The following ACTR3B variants were observed in gnomAD, a reference collection of about 807,000 sequenced individuals.
ACTR3B encodes actin related protein 3B.
Under a neutral mutation model 59.0 loss-of-function variants are expected in ACTR3B, and 8 were observed. The observed-to-expected ratio is 0.14, with a 90% CI of 0.08 to 0.24. The LOEUF (loss-of-function observed/expected upper bound fraction) is 0.24, where lower values mean the gene tolerates loss of function less well. Among genes scored for constraint, ACTR3B ranks in the 10% least tolerant of loss-of-function variants. The probability of loss-of-function intolerance (pLI) is 1.00; values close to 1 mark genes in which losing one functional copy is unlikely to be tolerated. For synonymous variants in ACTR3B, 148 were observed against 197.9 expected (o/e 0.75, Z 2.12); for missense variants, 245 against 552.3 (o/e 0.44, Z 5.58).
intron 4 of ACTR3B, among the ~76,000 whole-genome samples, chr7:152,809,098 C>T (rs1174029554): frequency 2.6e-5 from 4 of 151,338 alleles, no homozygotes; most frequent in South Asian, 2.1e-4. Context: ...CCCGAGTAGG[C>T]GCATTGAAAT....
chr7:152,814,413 T>C (rs1363059735), intron 4 of ACTR3B, 137 bp from the exon 5 acceptor site: 15 of 608,324 alleles, frequency 2.5e-5, no homozygotes, highest in African/African-American at 2.3e-4. Flanking sequence ...TAATACACTT[T>C]GGGCATCCTC....
chr7:152,799,383 T>C (rs555172789), intron 2 of ACTR3B, among the ~76,000 whole-genome samples: 20 of 152,328 alleles, frequency 1.3e-4, no homozygotes, highest in Admixed American at 2.6e-4. Flanking sequence ...GTGACCTTGA[T>C]AGATTGTTAA....
chr7:152,846,337 G>C (rs974253080), intron 9 of ACTR3B, among the ~76,000 whole-genome samples: 13 of 148,990 alleles, frequency 8.7e-5, no homozygotes, highest in Non-Finnish European at 1.3e-4. Flanking sequence ...CTAGTGCCCG[G>C]GCTGTAGTCT....
intron 1 of ACTR3B, among the ~76,000 whole-genome samples, chr7:152,768,535 G>A (rs1255898870): frequency 6.6e-6 from 1 of 152,148 alleles, no homozygotes; most frequent in East Asian, 1.9e-4. Flanking sequence ...GGAGTGCAAT[G>A]GAGCGATCTC....
Position 152,853,520 on chromosome 7 carries a change from C to G in ACTR3B, c.1104C>G (p.Val368=), listed in dbSNP as rs1241842336. 1 of 1,613,742 alleles carries G rather than the reference C, an allele frequency of 6.2e-7. No individual in the cohort carries two copies. Among genetic ancestry groups the G allele is most frequent in the Non-Finnish European group, 8.5e-7 (1 of 1,179,930 alleles). Residue 368 remains valine, a synonymous_variant, in exon 11 of 12, where the codon GTC becomes GTG. Coordinates refer to ENST00000256001, the MANE Select transcript of ACTR3B (RefSeq NM_020445.6). ...CGAAGCCTGTGGAGGTCCAGGTGGTCACGCATCACATGCAGCGCTACGCCG... is the reference window on the plus strand; with the variant it reads ...CGAAGCCTGTGGAGGTCCAGGTGGTGACGCATCACATGCAGCGCTACGCCG... ...IKPKPVEVQV[V]THHMQRYAVW...
In ACTR3B at chr7:152,831,599, G is replaced by T. The variant is rs1797037137; in HGVS notation, c.951+6477G>T. ...GTGGCTGATGGCCGTCCTACAGGAC[G>T]ACTCAGATCAACTCAGGTCGGAGTG... On this transcript the variant is annotated intron_variant, in intron 9 of 11. Coordinates refer to ENST00000256001, the MANE Select transcript of ACTR3B (RefSeq NM_020445.6). Among the ~76,000 whole-genome samples the T allele has an allele frequency of 2.0e-5, 3 of 152,280 alleles. No homozygotes were observed. In the South Asian group the frequency reaches 6.2e-4, roughly 31 times the overall value.
intron 1 of ACTR3B, among the ~76,000 whole-genome samples, chr7:152,768,045 ACC>A (rs1346151285): frequency 1.2e-4 from 19 of 152,330 alleles, no homozygotes; most frequent in Admixed American, 2.0e-4. Context: ...ACATGGCAAA[ACC>A]CTGTCTCTTC....
intron 6 of ACTR3B, among the ~76,000 whole-genome samples, 195 bp from the exon 7 acceptor site, chr7:152,820,104 A>C (rs1172747227): frequency 1.3e-5 from 2 of 152,294 alleles, no homozygotes; most frequent in Middle Eastern, 3.4e-3. Flanking sequence ...GGAATTTTGA[A>C]TATTAATGGA....
At chr7:152,848,047 G>A (rs1164486313) in intron 9 of ACTR3B, among the ~76,000 whole-genome samples, 1 of 152,244 alleles carries the variant, frequency 6.6e-6, no homozygotes, top group Non-Finnish European at 1.5e-5. Context: ...GAGACTTAGA[G>A]GTGTGAATGG....
At chr7:152,801,526 ATTCTTAAT>A in intron 3 of ACTR3B, 87 bp from the exon 4 acceptor site, 2 of 1,534,996 alleles carry the variant, frequency 1.3e-6, no homozygotes, top group South Asian at 2.4e-5. Context: ...GGATACCTTT[ATTCTTAAT>A]AACACAGTTT....
intron 9 of ACTR3B, among the ~76,000 whole-genome samples, chr7:152,830,057 A>G (rs1279087920): frequency 1.3e-5 from 2 of 152,256 alleles, no homozygotes; most frequent in Non-Finnish European, 2.9e-5. Flanking sequence ...ATTAAAGTGA[A>G]TCATGCAAAT....
At chr7:152,800,859 T>C (rs2098233507) in intron 3 of ACTR3B, among the ~76,000 whole-genome samples, 1 of 152,288 alleles carries the variant, frequency 6.6e-6, no homozygotes. Flanking sequence ...ATCCCTGGAA[T>C]GCAGAATAGA....
At chr7:152,818,875 C>A (rs887012785) in intron 6 of ACTR3B, among the ~76,000 whole-genome samples, 3 of 152,166 alleles carry the variant, frequency 2.0e-5, no homozygotes, top group African/African-American at 7.2e-5. Flanking sequence ...TTATATTTTG[C>A]GTATTAATTT....
chr7:152,845,653 A>G (rs1201464184), intron 9 of ACTR3B, among the ~76,000 whole-genome samples: 1 of 151,996 alleles, frequency 6.6e-6, no homozygotes, highest in Non-Finnish European at 1.5e-5. Context: ...GATGGATGCC[A>G]CTCCTGAAGT....
At chr7:152,816,089 C>A (rs34532406) in intron 5 of ACTR3B, among the ~76,000 whole-genome samples, 19 of 152,118 alleles carry the variant, frequency 1.2e-4, no homozygotes, top group African/African-American at 4.1e-4. Flanking sequence ...TGGGAGTACA[C>A]GTGCGTGTCA....
intron 2 of ACTR3B, among the ~76,000 whole-genome samples, chr7:152,796,335 CATAAT>C (rs2098216515): frequency 6.6e-6 from 1 of 152,006 alleles, no homozygotes; most frequent in Non-Finnish European, 1.5e-5. Flanking sequence ...GCTGGATAAA[CATAAT>C]ATTTTTCTCA....
chr7:152,827,418 A>G (rs918127567), intron 9 of ACTR3B, among the ~76,000 whole-genome samples: 2 of 151,790 alleles, frequency 1.3e-5, no homozygotes, highest in African/African-American at 4.8e-5. Context: ...ACATAGCTGA[A>G]CTCTATACCC....
chr7:152,790,869 C>T (rs371072484), intron 2 of ACTR3B, among the ~76,000 whole-genome samples: 3,327 of 152,178 alleles, frequency 0.022, 116 homozygotes, highest in African/African-American at 0.071. Context: ...ACAGTCTTCT[C>T]GATAACCTTC....
intron 6 of ACTR3B, among the ~76,000 whole-genome samples, chr7:152,818,063 T>C (rs888049436): frequency 1.3e-5 from 2 of 152,138 alleles, no homozygotes. Flanking sequence ...AGCACTCCTT[T>C]CTGTGGATCT....
Sources: allele counts gnomAD v4.1 joint callset (sites outside exome capture counted in the v4.1 genomes callset), GRCh38; gene constraint gnomAD v4.1.1; transcripts MANE v1.5; gene names NCBI Gene and HGNC (gene_info 2026-07-23, HGNC 2026-07-21).